Variants in PXMP2 observed in about 807,000 individuals in gnomAD.
PXMP2 encodes 22 kDa peroxisomal membrane protein.
A neutral mutation model predicts 20.2 loss-of-function variants in PXMP2; 13 were observed. The observed-to-expected ratio is 0.64, with a 90% CI of 0.42 to 1.02. The LOEUF is 1.02. Ranked by LOEUF, PXMP2 falls within the 50% of genes least tolerant of loss-of-function variation. The probability of loss-of-function intolerance (pLI) is 0.00; values close to 1 mark genes in which losing one functional copy is unlikely to be tolerated. For synonymous variants in PXMP2, 113 were observed against 111.2 expected, an observed-to-expected ratio of 1.02 and a Z score of -0.10; for missense variants, 284 against 251.8, an observed-to-expected ratio of 1.13 and a Z score of -0.87.
In PXMP2 at chr12:132,695,952, T is replaced by C. The variant is rs774584199; in HGVS notation, c.305T>C (p.Val102Ala). ...ATGGAACATTGGATCCCTCCTGAGG[T>C]CCCCCTGGCAGGGCTCAGGAGGCTT... Reference protein sequence around the residue: ...FFMEHWIPPEVPLAGLRRLLL... With the variant: ...FFMEHWIPPEAPLAGLRRLLL... Residue 102 changes from valine (V) to alanine (A), a missense_variant, in exon 3 of 5, where the codon GTC becomes GCC. Physicochemically the swap from Val to Ala is moderately conservative, Grantham distance 64. Transcript: ENST00000317479. The C allele has an allele frequency of 1.2e-6, 2 of 1,612,064 alleles. No homozygotes were observed. The highest frequency in any genetic ancestry group is 1.7e-6 in the Non-Finnish European group (2 of 1,178,888).
intron 3 of PXMP2, among the ~76,000 whole-genome samples, chr12:132,697,417 T>TTTATTTA (rs1318317331): frequency 4.2e-5 from 3 of 71,884 alleles, no homozygotes; most frequent in Middle Eastern, 8.3e-3. Context: ...TTATTTATTT[T>TTTATTTA]TTATTTTTGA....
chr12:132,694,662 C>A (rs2043398829), intron 2 of PXMP2, among the ~76,000 whole-genome samples: 1 of 134,448 alleles, frequency 7.4e-6, no homozygotes, highest in African/African-American at 2.8e-5. Flanking sequence ...AGTGAGCTCC[C>A]TTAGCCAGTT....
rs2043411381 is a variant in PXMP2 at position 132,696,656 on chromosome 12, T to G, written c.399+610T>G. ...CTACTAAAAATACAAAAAATTTAGCTGGGCACAGTGGCAGTCGCCTGTAGT... is the reference window on the plus strand; with the variant it reads ...CTACTAAAAATACAAAAAATTTAGCGGGGCACAGTGGCAGTCGCCTGTAGT... On this transcript the variant is annotated intron_variant, in intron 3 of 4. Transcript: ENST00000317479. This position sits in a 1 kb window ranked among gnomAD's most constrained non-coding sequence, Gnocchi z 4.4. Among the ~76,000 whole-genome samples the G allele has an allele frequency of 6.6e-6, 1 of 151,884 alleles. No homozygotes were observed. The highest frequency in any genetic ancestry group is 1.5e-5 in the Non-Finnish European group (1 of 67,980).
In PXMP2 at chr12:132,695,037, TA is replaced by T. The variant is rs1326960522; in HGVS notation, c.237-846del. The stretch of plus-strand genomic sequence containing the variant: ...TAGCCAGTTAGTTAGTGAGCTCCCT[TA>T]GCCAGTTAGTTAGTGAGTGCCCTTG... On this transcript the variant is annotated intron_variant, in intron 2 of 4. Coordinates refer to ENST00000317479, the MANE Select transcript of PXMP2 (RefSeq NM_018663.3). 2.7e-3 allele frequency among the ~76,000 whole-genome samples: 389 copies of T among 144,346 alleles called. 2 individuals carry two copies. Among genetic ancestry groups the T allele is most frequent in the African/African-American group, 9.7e-3 (366 of 37,578 alleles). The allele number at this position is 144,346 out of a possible 152,430, so 94.7% of individuals were successfully genotyped here.
At chr12:132,695,657 C>T (rs1213269163) in intron 2 of PXMP2, among the ~76,000 whole-genome samples, 1 of 152,180 alleles carries the variant, frequency 6.6e-6, no homozygotes, top group Non-Finnish European at 1.5e-5. Context: ...CATAGCTAGG[C>T]GGGGACGCGC....
intron 2 of PXMP2, among the ~76,000 whole-genome samples, chr12:132,692,700 T>C (rs2043378096): frequency 7.2e-6 from 1 of 139,732 alleles, no homozygotes; most frequent in Non-Finnish European, 1.5e-5. Flanking sequence ...CCTTGCCAGT[T>C]AGTTAGTGAG....
intron 4 of PXMP2, 120 bp from the exon 5 acceptor site, chr12:132,704,499 G>C: frequency 1.4e-6 from 1 of 695,694 alleles, no homozygotes; most frequent in East Asian, 3.0e-5. Context: ...TGCAGTAATG[G>C]ATGGGTGGTT....
rs2043438543 is a variant in PXMP2, at chr12:132,701,233, C to T, written c.400-17C>T. 1.9e-6 allele frequency: 3 copies of T among 1,613,536 alleles called. No individual in the cohort carries two copies. The South Asian group carries it at 3.3e-5, about 18-fold the overall frequency. On this transcript the variant is annotated splice_polypyrimidine_tract_variant and intron_variant, in intron 3 of 4. Transcript: ENST00000317479. ...GGGCAGTGAGACTGTTCACCACCCG[C>T]CTTCCCTCCTTTGCAGGGGAAAGAC...
intron 4 of PXMP2, 82 bp downstream of exon 4, chr12:132,701,451 C>G (rs564854171): frequency 1.8e-5 from 27 of 1,504,930 alleles, no homozygotes; most frequent in Middle Eastern, 4.6e-4. Flanking sequence ...TTCCTCCCCC[C>G]CTCCCTCCCC....
intron 1 of PXMP2, 140 bp downstream of exon 1, chr12:132,687,932 C>T (rs1017079028): frequency 1.1e-4 from 95 of 863,016 alleles, no homozygotes; most frequent in Non-Finnish European, 1.3e-4. Context: ...GCCCTCCGAC[C>T]CGGCGCTGAA....
At chr12:132,703,936 G>C (rs1433354255) in intron 4 of PXMP2, among the ~76,000 whole-genome samples, 3 of 152,220 alleles carry the variant, frequency 2.0e-5, no homozygotes, top group Admixed American at 2.0e-4. Context: ...ATGGAAGAGG[G>C]GAGAGCTGGG....
chr12:132,692,318 TCCCTTAGCCAGTTAGTTAGTGAGCG>T (rs2043373793), intron 2 of PXMP2, among the ~76,000 whole-genome samples: 2 of 119,534 alleles, frequency 1.7e-5, no homozygotes, highest in African/African-American at 3.0e-5. Context: ...ATTAGTGAGC[TCCCTTAGCCAGTTAGTTAGTGAGCG>T]CCCTTAGCCA....
chr12:132,695,506 G>A (rs2043405241), intron 2 of PXMP2, among the ~76,000 whole-genome samples: 2 of 152,228 alleles, frequency 1.3e-5, no homozygotes, highest in Admixed American at 1.3e-4. Context: ...TTCTAGGGGG[G>A]ACGAGAGGCA....
At chr12:132,695,498 C>T (rs548907807) in intron 2 of PXMP2, among the ~76,000 whole-genome samples, 72 of 152,278 alleles carry the variant, frequency 4.7e-4, no homozygotes, top group Middle Eastern at 6.8e-3. Context: ...AGCCTGCCTT[C>T]TAGGGGGGAC....
At chr12:132,700,902 T>C (rs1176931651) in intron 3 of PXMP2, among the ~76,000 whole-genome samples, 1 of 150,744 alleles carries the variant, frequency 6.6e-6, no homozygotes, top group Non-Finnish European at 1.5e-5. Flanking sequence ...AGACATCGAC[T>C]TTGGAGGTTA....
At chr12:132,697,042 CT>C (rs757816651) in intron 3 of PXMP2, among the ~76,000 whole-genome samples, 3 of 151,934 alleles carry the variant, frequency 2.0e-5, no homozygotes, top group Non-Finnish European at 4.4e-5. Context: ...AATCCCAGCA[CT>C]TTGTGAGGCC....
rs139605057 is a variant in PXMP2, at chr12:132,700,751, C to T, written c.400-499C>T. ...GTCACAAATTCTTTGTCTTGGCGGA[C>T]GTCCAGAGGAATTGCTCCTAGGATC... On this transcript the variant is annotated intron_variant, in intron 3 of 4. Transcript: ENST00000317479. 5.7e-4 allele frequency among the ~76,000 whole-genome samples: 87 copies of T among 151,824 alleles called. No homozygotes were observed. In the East Asian group the frequency reaches 0.012, roughly 21 times the overall value.
intron 4 of PXMP2, chr12:132,702,590 C>A (rs533529928): frequency 1.4e-4 from 34 of 234,810 alleles, no homozygotes; most frequent in South Asian, 1.2e-3. Context: ...GGGTTTTTTA[C>A]TGGTACTCTG....
At chr12:132,690,420 T>G in intron 2 of PXMP2, 44 bp downstream of exon 2, 2 of 1,486,500 alleles carry the variant, frequency 1.3e-6, no homozygotes, top group Non-Finnish European at 1.9e-6. Context: ...AGCCGCTGAG[T>G]GCAACCAAGC....
Sources: allele counts gnomAD v4.1 joint callset (sites outside exome capture counted in the v4.1 genomes callset), GRCh38; gene constraint gnomAD v4.1.1; non-coding constraint Gnocchi (gnomAD v3.1); transcripts MANE v1.5; gene names NCBI Gene and HGNC (gene_info 2026-07-23, HGNC 2026-07-21).